BABAM2: variants seen among roughly 807,000 people sequenced by gnomAD.
BABAM2 encodes BRISC and BRCA1-A complex member 2.
In BABAM2, 31 loss-of-function variants were observed where a neutral mutation model predicts 54.7. The ratio of observed to expected loss-of-function variants is 0.57; its 90% CI spans 0.43 to 0.77. The LOEUF is 0.77. BABAM2 is among the 30% of genes least tolerant of loss of function. The pLI is 0.00. For missense variants in BABAM2, 364 were observed against 455.8 expected (o/e 0.80, Z 1.83); for synonymous variants, 167 against 162.9 (o/e 1.03, Z -0.19).
At chr2:27,933,776 T>G (rs886363972) in intron 3 of BABAM2, among the ~76,000 whole-genome samples, 3 of 149,496 alleles carry the variant, frequency 2.0e-5, no homozygotes, top group South Asian at 4.3e-4. Flanking sequence ...TTTTTTTTTT[T>G]TTTTTTTTTT....
intron 7 of BABAM2, among the ~76,000 whole-genome samples, chr2:28,158,855 A>G (rs1672793391): frequency 6.6e-6 from 1 of 152,164 alleles, no homozygotes; most frequent in South Asian, 2.1e-4. Context: ...AGAGTAGGAA[A>G]TTTTTGTTCA....
chr2:28,208,336 TTA>T (rs1489666187), intron 7 of BABAM2, among the ~76,000 whole-genome samples: 1 of 152,168 alleles, frequency 6.6e-6, no homozygotes, highest in Non-Finnish European at 1.5e-5. Context: ...GAAAGCTAGA[TTA>T]TTGAGTTTAA....
At chr2:27,970,762 TG>T (rs1405104644) in intron 3 of BABAM2, among the ~76,000 whole-genome samples, 1 of 152,172 alleles carries the variant, frequency 6.6e-6, no homozygotes, top group Non-Finnish European at 1.5e-5. Flanking sequence ...TTATGTTTAC[TG>T]GTCACACTTA....
chr2:28,331,930 A>G (rs1690992190), intron 11 of BABAM2, among the ~76,000 whole-genome samples: 1 of 152,258 alleles, frequency 6.6e-6, no homozygotes, highest in African/African-American at 2.4e-5. Flanking sequence ...TCCATCAGTG[A>G]TAGACTGGAT....
chr2:28,208,270 A>C (rs1410017940), intron 7 of BABAM2, among the ~76,000 whole-genome samples: 1 of 152,242 alleles, frequency 6.6e-6, no homozygotes, highest in African/African-American at 2.4e-5. Context: ...TGTCTGTATC[A>C]GGCTGTTTAT....
intron 7 of BABAM2, among the ~76,000 whole-genome samples, chr2:28,136,249 C>T (rs1670525909): frequency 6.6e-6 from 1 of 152,250 alleles, no homozygotes. Context: ...CAATCATCAC[C>T]TCCTCCATGG....
intron 7 of BABAM2, among the ~76,000 whole-genome samples, chr2:28,234,868 A>G (rs1681753692): frequency 6.6e-6 from 1 of 152,256 alleles, no homozygotes; most frequent in South Asian, 2.1e-4. Flanking sequence ...GTTTATAGGA[A>G]GTCACAGGAA....
At chr2:27,924,129 T>C (rs1667515143) in intron 2 of BABAM2, among the ~76,000 whole-genome samples, 1 of 152,162 alleles carries the variant, frequency 6.6e-6, no homozygotes, top group Non-Finnish European at 1.5e-5. Flanking sequence ...ATCATACTAT[T>C]TCCATGTATT....
chr2:28,276,465 G>A (rs921993589), intron 10 of BABAM2, among the ~76,000 whole-genome samples: 3 of 152,208 alleles, frequency 2.0e-5, no homozygotes, highest in East Asian at 1.9e-4. Context: ...ACGCGCAGCC[G>A]TGGGATGTTT....
chr2:28,323,073 TC>T (rs1441785128), intron 11 of BABAM2, among the ~76,000 whole-genome samples: 8 of 152,232 alleles, frequency 5.3e-5, no homozygotes, highest in Non-Finnish European at 7.4e-5. Context: ...CCCACTCTCA[TC>T]CAGGGTGAGC....
At chr2:28,113,417 C>T (rs1379454641) in intron 6 of BABAM2, among the ~76,000 whole-genome samples, 3 of 152,076 alleles carry the variant, frequency 2.0e-5, no homozygotes, top group Non-Finnish European at 4.4e-5. Context: ...ATCTTTTCCC[C>T]ATTGCTTGTT....
At chr2:28,105,854 A>G (rs894596183) in intron 6 of BABAM2, among the ~76,000 whole-genome samples, 4 of 152,140 alleles carry the variant, frequency 2.6e-5, no homozygotes, top group East Asian at 1.9e-4. Flanking sequence ...ATTATACATA[A>G]TTTATCATGC....
chr2:28,041,743 A>G (rs149676138), intron 5 of BABAM2, among the ~76,000 whole-genome samples: 2,303 of 152,236 alleles, frequency 0.015, 23 homozygotes, highest in Middle Eastern at 0.068. Context: ...TCTTTGCTCA[A>G]TTGTTAACTT....
At chr2:27,946,044 G>C (rs1016238916) in intron 3 of BABAM2, among the ~76,000 whole-genome samples, 8 of 151,990 alleles carry the variant, frequency 5.3e-5, no homozygotes, top group African/African-American at 1.7e-4. Flanking sequence ...ATCTAGTGCA[G>C]TAGACAATAC....
intron 3 of BABAM2, among the ~76,000 whole-genome samples, chr2:27,953,694 C>T (rs1346691018): frequency 1.3e-5 from 2 of 151,576 alleles, no homozygotes; most frequent in South Asian, 4.2e-4. Context: ...ACAGGGCTAG[C>T]TCGTAAAAGG....
At chr2:28,302,947 G>C (rs115737240) in intron 11 of BABAM2, among the ~76,000 whole-genome samples, 1,711 of 151,980 alleles carry the variant, frequency 0.011, 23 homozygotes, top group Non-Finnish European at 0.013. Context: ...GTATATATGA[G>C]TTTCTTTATA....
At chr2:28,012,530 G>T (rs1024102070) in intron 4 of BABAM2, among the ~76,000 whole-genome samples, 3 of 152,220 alleles carry the variant, frequency 2.0e-5, no homozygotes, top group South Asian at 4.1e-4. Context: ...GCCCCAAATA[G>T]ATTTGATTTT....
chr2:28,063,676 G>A (rs1679086187), intron 6 of BABAM2, among the ~76,000 whole-genome samples: 1 of 152,140 alleles, frequency 6.6e-6, no homozygotes, highest in Non-Finnish European at 1.5e-5. Flanking sequence ...TGAGATTTTT[G>A]GTTTTGGTCC....
chr2:28,129,230 G>A lies in BABAM2; in HGVS notation c.571-41G>A, dbSNP rs773078705. Reference sequence around the variant, plus strand: ...GAGCTTGACACTAATAAGATGTTAGGAGAACAGGTGCTGATGTTGTGTTTT... The same window carrying A: ...GAGCTTGACACTAATAAGATGTTAGAAGAACAGGTGCTGATGTTGTGTTTT... On this transcript the variant is annotated intron_variant, in intron 6 of 11. Transcript: ENST00000379624. 5.2e-6 allele frequency: 8 copies of A among 1,536,946 alleles called. No individual in the cohort carries two copies. The East Asian group carries it at 1.8e-4, about 35-fold the overall frequency.
Sources: allele counts gnomAD v4.1 joint callset (sites outside exome capture counted in the v4.1 genomes callset), GRCh38; gene constraint gnomAD v4.1.1; transcripts MANE v1.5; gene names NCBI Gene and HGNC (gene_info 2026-07-23, HGNC 2026-07-21).